ZNF341: variants seen among roughly 807,000 people sequenced by gnomAD.
ZNF341 encodes zinc finger protein 341.
A neutral mutation model predicts 87.7 loss-of-function variants in ZNF341; 52 were observed. The ratio of observed to expected loss-of-function variants is 0.59; its 90% CI spans 0.47 to 0.75. ZNF341 has a LOEUF of 0.75. ZNF341 is among the 30% of genes least tolerant of loss of function. The pLI is 0.00. For missense variants in ZNF341, 977 were observed against 1,145.9 expected, an observed-to-expected ratio of 0.85 and a Z score of 2.13; for synonymous variants, 459 against 472.7, an observed-to-expected ratio of 0.97 and a Z score of 0.38.
chr20:33,764,418 A>G (rs1244076846), intron 8 of ZNF341, among the ~76,000 whole-genome samples: 1 of 150,268 alleles, frequency 6.7e-6, no homozygotes, highest in Non-Finnish European at 1.5e-5. Context: ...AGCTACATTA[A>G]AAGCAATTTT....
At chr20:33,738,721 G>A (rs1399197463) in intron 1 of ZNF341, among the ~76,000 whole-genome samples, 3 of 152,148 alleles carry the variant, frequency 2.0e-5, no homozygotes, top group African/African-American at 7.2e-5. Context: ...TGGGATACTT[G>A]CCATTGAAGG....
intron 1 of ZNF341, among the ~76,000 whole-genome samples, chr20:33,734,933 T>G (rs1189123192): frequency 6.6e-6 from 1 of 152,034 alleles, no homozygotes; most frequent in Non-Finnish European, 1.5e-5. Flanking sequence ...CTCAAACTCC[T>G]GACCTCAAGT....
rs552455705 is a variant in ZNF341, at chr20:33,761,719, G to A, written c.1029-143G>A. 5.5e-5 allele frequency: 36 copies of A among 648,780 alleles called. No homozygotes were observed. The South Asian group carries it at 8.2e-4, about 15-fold the overall frequency. 40.2% of individuals were successfully genotyped at this position (648,780 alleles called of 1,614,324 possible). A position where few individuals can be genotyped will look rare whatever the true frequency, so the allele number is the denominator to read the frequency against. ...CCATCTCTGGTCTGCCTGCCTCAGC[G>A]AAGGGGCTTGTCGCCGTGGTGTCAG... On this transcript the variant is annotated intron_variant, in intron 7 of 14. Coordinates refer to ENST00000375200, the MANE Select transcript of ZNF341 (RefSeq NM_001282933.2).
chr20:33,768,774 C>G (rs1481666108), intron 9 of ZNF341, among the ~76,000 whole-genome samples: 2 of 151,996 alleles, frequency 1.3e-5, no homozygotes, highest in African/African-American at 4.8e-5. Flanking sequence ...AATCAGGGTT[C>G]ACTTTTTTAG....
chr20:33,785,027 A>G (rs952187237), intron 12 of ZNF341, among the ~76,000 whole-genome samples: 1 of 152,112 alleles, frequency 6.6e-6, no homozygotes, highest in African/African-American at 2.4e-5. Flanking sequence ...GTTGAAACAC[A>G]CTGACATTTT....
chr20:33,770,858 C>T (rs2019517157), intron 10 of ZNF341, among the ~76,000 whole-genome samples: 1 of 152,168 alleles, frequency 6.6e-6, no homozygotes, highest in Non-Finnish European at 1.5e-5. Flanking sequence ...TGGTGGCTCA[C>T]ACCTGTAATC....
chr20:33,791,000 A>T lies in ZNF341; in HGVS notation c.2048A>T (p.His683Leu), dbSNP rs1269866666. 1 of 1,611,546 alleles carries T rather than the reference A, an allele frequency of 6.2e-7. No homozygotes were observed. Residue 683 changes from histidine to leucine, a missense_variant, in exon 15 of 15, where the codon CAC (histidine) becomes CTC (leucine). His to Leu is a moderately conservative substitution (Grantham distance 99). Transcript: ENST00000375200. The part of the protein sequence containing the change: ...HILSHSGMKL[H>L]KCALCSKSFS... ...CCTTGCCCTCCAGGCATGAAGCTCCACAAATGCGCCCTGTGCAGCAAGTCC... is the reference window on the plus strand; with the variant it reads ...CCTTGCCCTCCAGGCATGAAGCTCCTCAAATGCGCCCTGTGCAGCAAGTCC...
At chr20:33,735,153 C>T (rs931197704) in intron 1 of ZNF341, among the ~76,000 whole-genome samples, 1 of 151,954 alleles carries the variant, frequency 6.6e-6, no homozygotes, top group Non-Finnish European at 1.5e-5. Flanking sequence ...GCCTCAGCCT[C>T]TTGAGTAGCT....
In ZNF341 at chr20:33,770,140, T is replaced by C. The variant is rs201829953; in HGVS notation, c.1470T>C (p.Phe490=). 1 of 1,614,094 alleles carries C rather than the reference T, an allele frequency of 6.2e-7. No homozygotes were observed. The highest frequency in any genetic ancestry group is 8.5e-7 in the Non-Finnish European group (1 of 1,179,986). Residue 490 remains phenylalanine, a synonymous_variant, in exon 10 of 15, where the codon TTT becomes TTC. Transcript: ENST00000375200. ...AGACGTTCCCAAAGCTCGACACATT[T>C]CTGGAGCACATCAAGAGCCACCAGG... ...CAQTFPKLDT[F]LEHIKSHQEE... is the part of the protein sequence containing the mutation.
chr20:33,757,385 GC>G (rs745867225), intron 6 of ZNF341, 42 bp downstream of exon 6: 5 of 1,414,846 alleles, frequency 3.5e-6, no homozygotes. Flanking sequence ...CTCAACATTG[GC>G]CAATCCACAA....
chr20:33,763,711 C>T (rs2019341099), intron 8 of ZNF341, among the ~76,000 whole-genome samples: 2 of 152,142 alleles, frequency 1.3e-5, no homozygotes, highest in Non-Finnish European at 2.9e-5. Context: ...AGCTATTTGA[C>T]CTCCAAGGTT....
At chr20:33,784,268 C>G (rs372220090) in intron 12 of ZNF341, among the ~76,000 whole-genome samples, 12 of 22,366 alleles carry the variant, frequency 5.4e-4, no homozygotes, top group Non-Finnish European at 1.0e-3. Flanking sequence ...TCTCTCCCCC[C>G]CATCTCCCTC....
chr20:33,738,231 G>A (rs1320230735), intron 1 of ZNF341, among the ~76,000 whole-genome samples: 1 of 151,896 alleles, frequency 6.6e-6, no homozygotes, highest in Non-Finnish European at 1.5e-5. Context: ...TTGAGTGCAA[G>A]AGTTTGAGAC....
intron 1 of ZNF341, among the ~76,000 whole-genome samples, chr20:33,736,681 G>T (rs1165076090): frequency 3.9e-5 from 6 of 152,060 alleles, no homozygotes; most frequent in Non-Finnish European, 8.8e-5. Context: ...AGTAGGGACG[G>T]GTTTCACCAT....
chr20:33,758,460 C>G (rs938657991), intron 6 of ZNF341, among the ~76,000 whole-genome samples: 3 of 152,108 alleles, frequency 2.0e-5, no homozygotes, highest in African/African-American at 7.2e-5. Context: ...TGGGCCATGG[C>G]AAAGAGCGTG....
chr20:33,744,543 A>G (rs532978376), intron 2 of ZNF341, among the ~76,000 whole-genome samples: 8 of 152,138 alleles, frequency 5.3e-5, no homozygotes, highest in African/African-American at 1.9e-4. Context: ...TTGATTTCTA[A>G]TTAATTGGTA....
intron 12 of ZNF341, 34 bp from the exon 13 acceptor site, chr20:33,788,829 G>C: frequency 6.3e-7 from 1 of 1,592,168 alleles, no homozygotes; most frequent in Non-Finnish European, 8.6e-7. Context: ...GACTCCTGGT[G>C]AGTGCTGGCT....
chr20:33,747,722 T>C (rs2018963322), intron 3 of ZNF341, among the ~76,000 whole-genome samples: 1 of 150,872 alleles, frequency 6.6e-6, no homozygotes. Flanking sequence ...CCTTTTTTTT[T>C]TTTTTTTTGA....
At chr20:33,738,123 G>A (rs554664151) in intron 1 of ZNF341, among the ~76,000 whole-genome samples, 67 of 146,376 alleles carry the variant, frequency 4.6e-4, no homozygotes, top group African/African-American at 1.6e-3. Context: ...GGCAACAAGA[G>A]TGAAACTCCA....
Sources: allele counts gnomAD v4.1 joint callset (sites outside exome capture counted in the v4.1 genomes callset), GRCh38; gene constraint gnomAD v4.1.1; transcripts MANE v1.5; gene names NCBI Gene and HGNC (gene_info 2026-07-23, HGNC 2026-07-21).